MGRN1: variants seen among roughly 807,000 people sequenced by gnomAD.
MGRN1 encodes the protein mahogunin ring finger 1.
A neutral mutation model predicts 69.2 loss-of-function variants in MGRN1; 29 were observed. That is an observed-to-expected ratio of 0.42 (90% confidence interval 0.31 to 0.57). The LOEUF (loss-of-function observed/expected upper bound fraction) is 0.57. Among genes scored for constraint, MGRN1 ranks in the 20% least tolerant of loss-of-function variants. MGRN1 has a pLI of 0.15. For synonymous variants in MGRN1, 470 were observed against 344.2 expected, an observed-to-expected ratio of 1.37 and a Z score of -4.04; for missense variants, 998 against 796.2, an observed-to-expected ratio of 1.25 and a Z score of -3.05.
chr16:4,669,447 A>AAAAAAAAAAAAAAAG (rs1596304512), intron 8 of MGRN1, among the ~76,000 whole-genome samples: 1 of 151,196 alleles, frequency 6.6e-6, no homozygotes, highest in African/African-American at 2.4e-5. Flanking sequence ...AAAAAAAAAA[A>AAAAAAAAAAAAAAAG]AGCTGTGCAA....
chr16:4,626,965 C>T (rs1897710235), intron 1 of MGRN1, among the ~76,000 whole-genome samples: 2 of 152,200 alleles, frequency 1.3e-5, no homozygotes, highest in South Asian at 4.1e-4. Flanking sequence ...TCCATCCTTC[C>T]CTGGGGCCTT....
chr16:4,629,306 G>A (rs777720804), intron 1 of MGRN1, among the ~76,000 whole-genome samples: 17 of 152,292 alleles, frequency 1.1e-4, no homozygotes, highest in South Asian at 2.1e-4. Flanking sequence ...TGTCAGCCAT[G>A]TGATTTGCAA....
chr16:4,684,590 G>A (rs1018276613), intron 16 of MGRN1, among the ~76,000 whole-genome samples: 14 of 152,386 alleles, frequency 9.2e-5, no homozygotes, highest in East Asian at 1.9e-4. Flanking sequence ...CAGCAAGGCT[G>A]GGACAGAGGG....
chr16:4,662,949 G>C (rs1015157042), intron 5 of MGRN1, among the ~76,000 whole-genome samples: 31 of 152,336 alleles, frequency 2.0e-4, no homozygotes, highest in African/African-American at 7.0e-4. Context: ...CTTCCTCATG[G>C]GTCTTAGTCA....
At position 4,681,621 on chromosome 16, in the gene MGRN1, C is replaced by T; in HGVS notation, c.1203C>T (p.Val401=). The T allele has an allele frequency of 1.9e-6, 3 of 1,613,514 alleles. No homozygotes were observed. Among genetic ancestry groups the T allele is most frequent in the Non-Finnish European group, 2.5e-6 (3 of 1,180,018 alleles). The change falls in exon 13 of 17, where the codon GTC becomes GTT. Residue 401 remains valine (V), a synonymous_variant. Transcript: ENST00000262370. ...LLEALNGLRA[V]SPAIPSAPLY... is the part of the protein sequence containing the mutation. ...AGGCGCTCAACGGCCTCCGGGCTGT[C>T]TCCCCGGCCATCCCCTCGGCCCCTC...
At position 4,643,856 on chromosome 16, in the gene MGRN1, A is replaced by G. The variant is rs1336350116; in HGVS notation, c.89-6509A>G. Among the ~76,000 whole-genome samples the G allele has an allele frequency of 1.3e-5, 2 of 152,268 alleles. 1 individual carries two copies. Among genetic ancestry groups the G allele is most frequent in the South Asian group, 4.1e-4 (2 of 4,838 alleles). On this transcript the variant is annotated intron_variant, in intron 1 of 16. Coordinates refer to ENST00000262370, the MANE Select transcript of MGRN1 (RefSeq NM_015246.4). ...CAATAACAAGAAGAAATACGAAAAA[A>G]CATTGGAAATATGTCTCTTGAGTAG...
intron 1 of MGRN1, among the ~76,000 whole-genome samples, chr16:4,629,764 G>T (rs1268670360): frequency 6.6e-6 from 1 of 151,092 alleles, no homozygotes; most frequent in Non-Finnish European, 1.5e-5. Context: ...TCATACAGGC[G>T]GCTGGGTGTG....
chr16:4,639,407 T>C (rs1282831477), intron 1 of MGRN1, among the ~76,000 whole-genome samples: 1 of 151,934 alleles, frequency 6.6e-6, no homozygotes, highest in Non-Finnish European at 1.5e-5. Context: ...GCATGTGGAA[T>C]CACTGGTCTG....
At chr16:4,669,445 A>AAAAAAAAAAAAAAAAAAAAAAAAC (rs2078890910) in intron 8 of MGRN1, among the ~76,000 whole-genome samples, 1 of 151,486 alleles carries the variant, frequency 6.6e-6, no homozygotes, top group Non-Finnish European at 1.5e-5. Flanking sequence ...AAAAAAAAAA[A>AAAAAAAAAAAAAAAAAAAAAAAAC]AAAGCTGTGC....
rs1315335526 is a variant in MGRN1 at position 4,673,675 on chromosome 16, C to A, written c.955+18C>A. On this transcript the variant is annotated intron_variant, in intron 10 of 16. Transcript: ENST00000262370. ...CCGGCTGCGTGAGTTCCCCGGCCGG[C>A]TGTTCTGTGGAAGGTTCTGGAAATT... The A allele has an allele frequency of 6.2e-7, 1 of 1,610,748 alleles. No individual in the cohort carries two copies. Among genetic ancestry groups the A allele is most frequent in the Admixed American group, 1.7e-5 (1 of 59,970 alleles).
chr16:4,684,333 G>A (rs1033837315), intron 16 of MGRN1, among the ~76,000 whole-genome samples: 5 of 152,256 alleles, frequency 3.3e-5, no homozygotes, highest in South Asian at 2.1e-4. Context: ...TGGTCCTATC[G>A]TGGGCCCACA....
intron 8 of MGRN1, among the ~76,000 whole-genome samples, chr16:4,669,747 A>G (rs181547540): frequency 3.9e-5 from 6 of 152,306 alleles, no homozygotes; most frequent in East Asian, 3.9e-4. Flanking sequence ...GACTTCATCA[A>G]TACTTGAAAA....
intron 9 of MGRN1, among the ~76,000 whole-genome samples, chr16:4,673,073 C>T (rs886175105): frequency 6.6e-6 from 1 of 152,004 alleles, no homozygotes; most frequent in Non-Finnish European, 1.5e-5. Flanking sequence ...CTCCTGACCT[C>T]GTGATCTGCC....
In MGRN1 at chr16:4,681,717, C is replaced by G; in HGVS notation, c.1299C>G (p.Ile433Met). The stretch of plus-strand genomic sequence containing the variant: ...AGGCCAGCTGTCCCCTCGCGGCTAT[C>G]GACCACATCCTGGACAGCAGCCGCC... ...LSQASCPLAA[I>M]DHILDSSRQK... Residue 433 changes from isoleucine (I) to methionine (M), a missense_variant, in exon 13 of 17, where the codon ATC becomes ATG. Ile to Met is a conservative substitution (Grantham distance 10). Coordinates refer to ENST00000262370, the MANE Select transcript of MGRN1 (RefSeq NM_015246.4). 6.2e-7 allele frequency: 1 copy of G among 1,613,180 alleles called. No individual in the cohort carries two copies. Among genetic ancestry groups the G allele is most frequent in the Non-Finnish European group, 8.5e-7 (1 of 1,179,930 alleles).
intron 1 of MGRN1, among the ~76,000 whole-genome samples, chr16:4,637,075 C>T (rs538461963): frequency 1.4e-3 from 204 of 141,258 alleles, no homozygotes; most frequent in Non-Finnish European, 2.6e-3. Flanking sequence ...GTCAAGATTG[C>T]GCCACTGCAC....
intron 5 of MGRN1, 186 bp from the exon 6 acceptor site, chr16:4,664,523 T>C: frequency 1.6e-6 from 1 of 624,560 alleles, no homozygotes; most frequent in South Asian, 1.9e-5. Context: ...TGTATCTGTT[T>C]TAACACACAC....
At chr16:4,679,680 CCCTGCACCCAG>C (rs368468196) in intron 11 of MGRN1, among the ~76,000 whole-genome samples, 2,426 of 152,326 alleles carry the variant, frequency 0.016, 32 homozygotes, top group Non-Finnish European at 0.025. Flanking sequence ...AGGATCTCCA[CCCTGCACCCAG>C]CCTGCATTAG....
At chr16:4,643,868 T>C (rs559000794) in intron 1 of MGRN1, among the ~76,000 whole-genome samples, 1 of 152,354 alleles carries the variant, frequency 6.6e-6, no homozygotes, top group East Asian at 1.9e-4. Flanking sequence ...ATTGGAAATA[T>C]GTCTCTTGAG....
intron 16 of MGRN1, chr16:4,687,914 T>C (rs546448847): frequency 4.1e-6 from 4 of 985,568 alleles, no homozygotes; most frequent in Middle Eastern, 5.2e-4. Context: ...TGAGCCATTA[T>C]ACCCCTAGAT....
Sources: gnomAD v4.1 joint callset for allele counts (sites outside exome capture counted in the v4.1 genomes callset) on GRCh38, gnomAD v4.1.1 for gene constraint, MANE v1.5 for transcripts, NCBI Gene and HGNC (gene_info 2026-07-23, HGNC 2026-07-21) for gene names.